Variants in DESI2 observed in about 807,000 individuals in gnomAD.
The protein encoded by DESI2 is deubiquitinase DESI2.
Under a neutral mutation model 24.1 loss-of-function variants are expected in DESI2, and 10 were observed. That is an observed-to-expected ratio of 0.41 (90% CI 0.26 to 0.70). The LOEUF (loss-of-function observed/expected upper bound fraction) is 0.70, where lower values mean the gene tolerates loss of function less well. Ranked by LOEUF, DESI2 falls within the 30% of genes least tolerant of loss-of-function variation. The pLI is 0.29. For synonymous variants in DESI2, 71 were observed against 87.7 expected (o/e 0.81, Z 1.06); for missense variants, 122 against 234.9 (o/e 0.52, Z 3.14).
chr1:244,691,187 C>A (rs1349625802), intron 3 of DESI2, among the ~76,000 whole-genome samples: 2 of 152,232 alleles, frequency 1.3e-5, no homozygotes, highest in Non-Finnish European at 2.9e-5. Flanking sequence ...CTCCTGCGTT[C>A]AAGCGATTCT....
rs375740914 is a variant in DESI2 at position 244,670,162 on chromosome 1, G to A, written c.43-16435G>A. Among the ~76,000 whole-genome samples the A allele has an allele frequency of 8.5e-5, 13 of 152,182 alleles. No homozygotes were observed. In the East Asian group the frequency reaches 1.7e-3, roughly 20 times the overall value. On this transcript the variant is annotated intron_variant, in intron 1 of 4. Transcript: ENST00000302550. ...AGTAGAGATGGGGTTTCATCATATTGGTCAGGCTGGTCTTGAACTCCTGAC... is the reference window on the plus strand; with the variant it reads ...AGTAGAGATGGGGTTTCATCATATTAGTCAGGCTGGTCTTGAACTCCTGAC...
At chr1:244,687,989 C>G (rs1400772833) in intron 2 of DESI2, among the ~76,000 whole-genome samples, 2 of 152,292 alleles carry the variant, frequency 1.3e-5, no homozygotes, top group East Asian at 3.9e-4. Context: ...AACTGAGGCC[C>G]AAACCTGCTG....
At chr1:244,669,962 C>CTTTT (rs11392135) in intron 1 of DESI2, among the ~76,000 whole-genome samples, 1 of 148,064 alleles carries the variant, frequency 6.8e-6, no homozygotes, top group Non-Finnish European at 1.5e-5. Flanking sequence ...ATAAATAATT[C>CTTTT]TTTTTTTTTT....
intron 1 of DESI2, among the ~76,000 whole-genome samples, chr1:244,680,336 A>G (rs566713993): frequency 6.6e-6 from 1 of 152,162 alleles, no homozygotes; most frequent in South Asian, 2.1e-4. Flanking sequence ...CTACTCAGGA[A>G]ACTGAGGTGG....
Position 244,689,230 on chromosome 1 carries a change from A to G in DESI2, c.116-19A>G, listed in dbSNP as rs1382240613. The G allele has an allele frequency of 7.8e-7, 1 of 1,286,782 alleles. No homozygotes were observed. The highest frequency in any genetic ancestry group is 1.1e-6 in the Non-Finnish European group (1 of 885,574). The allele number at this position is 1,286,782 out of a possible 1,614,324, so 79.7% of individuals were successfully genotyped here. ...TTTTATGTGATACATACTAAAAATC[A>G]TGAGTTTTCTCTTTTCAGAATTTGC... On this transcript the variant is annotated intron_variant, in intron 2 of 4. Transcript: ENST00000302550. This position sits in a 1 kb window ranked among gnomAD's most constrained non-coding sequence, Gnocchi z 4.0.
intron 1 of DESI2, among the ~76,000 whole-genome samples, chr1:244,666,903 A>C (rs1676065668): frequency 6.6e-6 from 1 of 152,174 alleles, no homozygotes; most frequent in Non-Finnish European, 1.5e-5. Context: ...AGGAAGAAGC[A>C]GAAGTGGAAA....
At chr1:244,654,076 T>C in intron 1 of DESI2, 1 of 467,900 alleles carries the variant, frequency 2.1e-6, no homozygotes, top group South Asian at 1.6e-5. Context: ...AGAAGTTGTT[T>C]ATTGTATCAT....
In DESI2 at chr1:244,686,727, G is replaced by A; in HGVS notation, c.115+58G>A. ...GAAGATTTTGTACTTTAAAAGAGTTGCAAAATCATAACTATAGGTCTCTCT... is the reference window on the plus strand; with the variant it reads ...GAAGATTTTGTACTTTAAAAGAGTTACAAAATCATAACTATAGGTCTCTCT... On this transcript the variant is annotated intron_variant, in intron 2 of 4. Transcript: ENST00000302550. The A allele has an allele frequency of 2.7e-6, 3 of 1,115,966 alleles. No homozygotes were observed. In the Admixed American group the frequency reaches 5.5e-5, roughly 20 times the overall value. 69.1% of individuals were successfully genotyped at this position (1,115,966 alleles called of 1,614,324 possible).
intron 1 of DESI2, among the ~76,000 whole-genome samples, chr1:244,676,559 T>C (rs1283855860): frequency 6.6e-6 from 1 of 151,880 alleles, no homozygotes; most frequent in Non-Finnish European, 1.5e-5. Context: ...CCTTCTTCAG[T>C]AATTGCCCTG....
chr1:244,699,578 C>CAAAAAAAAAAAAAAAA lies in DESI2; in HGVS notation c.352-5955_352-5940dup, dbSNP rs559295405. ...GCCTAGCAACAGAGTGAGACTGTCT[C>CAAAAAAAAAAAAAAAA]AAAAAAAAAAAAAAAAAAAAAAAAA... On this transcript the variant is annotated intron_variant, in intron 4 of 4. Transcript: ENST00000302550. 1.7e-4 allele frequency among the ~76,000 whole-genome samples: 11 copies of CAAAAAAAAAAAAAAAA among 66,222 alleles called. 1 individual carries two copies. The highest frequency in any genetic ancestry group is 5.2e-4 in the African/African-American group (10 of 19,294). The allele number at this position is 66,222 out of a possible 152,430, so 43.4% of individuals were successfully genotyped here.
At chr1:244,692,827 TC>T (rs1455180493) in intron 4 of DESI2, among the ~76,000 whole-genome samples, 2 of 152,190 alleles carry the variant, frequency 1.3e-5, no homozygotes, top group Non-Finnish European at 2.9e-5. Context: ...CATCAGCATC[TC>T]CTAGTAATTT....
intron 1 of DESI2, among the ~76,000 whole-genome samples, chr1:244,671,508 CA>C (rs556824235): frequency 7.0e-4 from 106 of 152,294 alleles, no homozygotes; most frequent in African/African-American, 2.5e-3. Flanking sequence ...ATACTTGAAC[CA>C]AGCTCTAGAA....
chr1:244,673,254 G>C (rs1404937908), intron 1 of DESI2, among the ~76,000 whole-genome samples: 2 of 152,012 alleles, frequency 1.3e-5, no homozygotes, highest in South Asian at 2.1e-4. Flanking sequence ...GCATTTGGAG[G>C]GCATCTCTTT....
At chr1:244,697,628 A>G (rs1677272886) in intron 4 of DESI2, among the ~76,000 whole-genome samples, 1 of 152,142 alleles carries the variant, frequency 6.6e-6, no homozygotes, top group African/African-American at 2.4e-5. Flanking sequence ...TACCTGTCGA[A>G]TTTCAAATGA....
At chr1:244,655,214 A>C (rs1172160064) in intron 1 of DESI2, among the ~76,000 whole-genome samples, 4 of 152,228 alleles carry the variant, frequency 2.6e-5, no homozygotes, top group Non-Finnish European at 2.9e-5. Context: ...TAAAATAGGT[A>C]GTTAGAGAAG....
chr1:244,660,725 TAAAAA>T (rs1675812222), intron 1 of DESI2, among the ~76,000 whole-genome samples: 1 of 152,224 alleles, frequency 6.6e-6, no homozygotes. Context: ...GACAGTAACT[TAAAAA>T]CAATAAATTA....
At position 244,673,246 on chromosome 1, in the gene DESI2, ATTTGGAGGGCATCTC is replaced by A. The variant is rs1448519055; in HGVS notation, c.43-13347_43-13333del. Among the ~76,000 whole-genome samples the A allele has an allele frequency of 3.9e-5, 6 of 152,308 alleles. No homozygotes were observed. The East Asian group carries it at 9.6e-4, about 24-fold the overall frequency. On this transcript the variant is annotated intron_variant, in intron 1 of 4. Transcript: ENST00000302550. ...AGGAAGCCCTAACAGGAGCAGAAGC[ATTTGGAGGGCATCTC>A]TTTCTCTAACCAACTCTCCCTGGAA...
chr1:244,692,830 TA>T (rs1160444197), intron 4 of DESI2, among the ~76,000 whole-genome samples: 1 of 152,206 alleles, frequency 6.6e-6, no homozygotes, highest in Non-Finnish European at 1.5e-5. Flanking sequence ...CAGCATCTCC[TA>T]GTAATTTGTG....
chr1:244,661,865 A>G (rs530128716), intron 1 of DESI2, among the ~76,000 whole-genome samples: 14 of 152,196 alleles, frequency 9.2e-5, no homozygotes, highest in Non-Finnish European at 1.5e-4. Context: ...TGCCGCAGTA[A>G]ACATACGTGT....
Sources: gnomAD v4.1 joint callset for allele counts (sites outside exome capture counted in the v4.1 genomes callset) on GRCh38, gnomAD v4.1.1 for gene constraint, Gnocchi (gnomAD v3.1) non-coding constraint, MANE v1.5 for transcripts, NCBI Gene and HGNC (gene_info 2026-07-23, HGNC 2026-07-21) for gene names.